The following LAMC1 variants were observed in gnomAD, a reference collection of about 807,000 sequenced individuals.
The protein encoded by LAMC1 is laminin subunit gamma 1, also known as laminin subunit gamma-1.
A neutral mutation model predicts 173.6 loss-of-function variants in LAMC1; 38 were observed. That is an observed-to-expected ratio of 0.22 (90% CI 0.17 to 0.29). The LOEUF is 0.29. Among genes scored for constraint, LAMC1 ranks in the 10% least tolerant of loss-of-function variants. The pLI, the probability that LAMC1 is intolerant of heterozygous loss-of-function variation, is 1.00. For synonymous variants in LAMC1, 746 were observed against 749.1 expected (o/e 1.00, Z 0.07); for missense variants, 1,824 against 2,051.8 (o/e 0.89, Z 2.14).
rs78852825 is a variant in LAMC1 at position 183,072,065 on chromosome 1, T to C, written c.419-31263T>C. Among the ~76,000 whole-genome samples the C allele has an allele frequency of 3.1e-3, 470 of 152,320 alleles. 3 individuals carry two copies. The highest frequency in any genetic ancestry group is 0.011 in the African/African-American group (449 of 41,570). ...ACATATCTGGGTGAACATGGGGAAT[T>C]TTTATGCCTTGTGAAACATATTTTA... On this transcript the variant is annotated intron_variant, in intron 1 of 27. Transcript: ENST00000258341.
chr1:183,059,229 G>A (rs143275878), intron 1 of LAMC1, among the ~76,000 whole-genome samples: 2 of 152,330 alleles, frequency 1.3e-5, no homozygotes, highest in African/African-American at 4.8e-5. Context: ...CTTCATTGTT[G>A]ATGCTGTTAT....
At position 183,023,999 on chromosome 1, in the gene LAMC1, G is replaced by C; in HGVS notation, c.283G>C (p.Gly95Arg). The C allele has an allele frequency of 6.2e-7, 1 of 1,613,072 alleles. No individual in the cohort carries two copies. The highest frequency in any genetic ancestry group is 8.5e-7 in the Non-Finnish European group (1 of 1,179,906). ...CAAGTCCTGTCACCTGTGCGACGCC[G>C]GGCAGCCCCACCTGCAGCACGGGGC... ...VTKSCHLCDA[G>R]QPHLQHGAAF... The change falls in exon 1 of 28, where the codon GGG (glycine) becomes CGG (arginine). Residue 95 changes from glycine to arginine, a missense_variant. Transcript: ENST00000258341.
intron 1 of LAMC1, among the ~76,000 whole-genome samples, 182 bp downstream of exon 1, chr1:183,024,316 C>T (rs1422758650): frequency 6.6e-6 from 1 of 152,062 alleles, no homozygotes; most frequent in Non-Finnish European, 1.5e-5. Flanking sequence ...TTTTAACATC[C>T]CGTGAGGGCC....
At chr1:183,097,617 C>G (rs1325036242) in intron 1 of LAMC1, among the ~76,000 whole-genome samples, 1 of 152,158 alleles carries the variant, frequency 6.6e-6, no homozygotes, top group Non-Finnish European at 1.5e-5. Flanking sequence ...AATTCTAAGA[C>G]AAGAAGAGTT....
chr1:183,117,890 G>T, intron 10 of LAMC1, 144 bp from the exon 11 acceptor site: 1 of 740,660 alleles, frequency 1.4e-6, no homozygotes, highest in South Asian at 1.9e-5. Context: ...TTTTCCAATT[G>T]TACTACCAAA....
chr1:183,046,880 G>A (rs909096955), intron 1 of LAMC1, among the ~76,000 whole-genome samples: 3 of 152,012 alleles, frequency 2.0e-5, no homozygotes, highest in African/African-American at 7.2e-5. Context: ...TAATTTGATA[G>A]GTGAGATATG....
chr1:183,090,559 G>A (rs542298367), intron 1 of LAMC1, among the ~76,000 whole-genome samples: 2 of 152,334 alleles, frequency 1.3e-5, no homozygotes, highest in African/African-American at 2.4e-5. Context: ...GGGTACTTGC[G>A]TGATGTAAAT....
chr1:183,136,519 G>T lies in LAMC1; in HGVS notation c.4248G>T (p.Ala1416=), dbSNP rs367935944. ...CCCAGCAGGCCCTGGGCAGTGCTGC[G>T]GCGGATGCCACAGAGGCCAAGAACA... The part of the protein sequence containing the change: ...REAQQALGSA[A]ADATEAKNKA... Residue 1416 remains alanine, a synonymous_variant, in exon 25 of 28, where the codon GCG becomes GCT. Transcript: ENST00000258341. 2.5e-6 allele frequency: 4 copies of T among 1,613,928 alleles called. No homozygotes were observed. Among genetic ancestry groups the T allele is most frequent in the Non-Finnish European group, 3.4e-6 (4 of 1,179,956 alleles).
intron 1 of LAMC1, among the ~76,000 whole-genome samples, chr1:183,067,139 A>T (rs10797830): frequency 0.5 from 76,258 of 151,916 alleles, 19,783 homozygotes; most frequent in South Asian, 0.64. Context: ...TTTGTTAAAA[A>T]GGAACAATAT....
intron 26 of LAMC1, chr1:183,138,266 A>G: frequency 1.2e-6 from 1 of 833,222 alleles, no homozygotes; most frequent in Non-Finnish European, 1.4e-6. Flanking sequence ...CCACCAAAAC[A>G]TATGAAACTT....
At chr1:183,097,198 G>C (rs1306078210) in intron 1 of LAMC1, among the ~76,000 whole-genome samples, 1 of 152,188 alleles carries the variant, frequency 6.6e-6, no homozygotes, top group East Asian at 1.9e-4. Context: ...TTTTCAAATA[G>C]TTGCTTTCTG....
intron 13 of LAMC1, among the ~76,000 whole-genome samples, chr1:183,122,762 T>C (rs1265797581): frequency 6.6e-6 from 1 of 151,968 alleles, no homozygotes; most frequent in Admixed American, 6.6e-5. Flanking sequence ...AGGAGGAGGG[T>C]GAGGACAGAG....
chr1:183,024,047 A>T lies in LAMC1; in HGVS notation c.331A>T (p.Asn111Tyr). Reference sequence around the variant, plus strand: ...GGCAGCCTTCCTGACCGACTACAACAACCAGGCCGACACCACCTGGTGGCA... The same window carrying T: ...GGCAGCCTTCCTGACCGACTACAACTACCAGGCCGACACCACCTGGTGGCA... ...HGAAFLTDYNNQADTTWWQSQ... is the reference protein window; with the variant it reads ...HGAAFLTDYNYQADTTWWQSQ... The change falls in exon 1 of 28, where the codon AAC (asparagine) becomes TAC (tyrosine). Residue 111 changes from asparagine (N) to tyrosine (Y), a missense_variant. By Grantham distance (143) the Asn-to-Tyr change is moderately radical. Coordinates refer to ENST00000258341, the MANE Select transcript of LAMC1 (RefSeq NM_002293.4). 6.2e-7 allele frequency: 1 copy of T among 1,612,592 alleles called. No homozygotes were observed. Among genetic ancestry groups the T allele is most frequent in the Non-Finnish European group, 8.5e-7 (1 of 1,179,634 alleles).
intron 1 of LAMC1, among the ~76,000 whole-genome samples, chr1:183,025,356 G>C (rs1475134079): frequency 6.6e-6 from 1 of 152,196 alleles, no homozygotes; most frequent in African/African-American, 2.4e-5. Context: ...TTTGAAAAGT[G>C]GGATTAAATT....
At chr1:183,119,138 C>G (rs1399809916) in intron 11 of LAMC1, among the ~76,000 whole-genome samples, 1 of 152,082 alleles carries the variant, frequency 6.6e-6, no homozygotes, top group East Asian at 1.9e-4. Flanking sequence ...CTCAGGTGAT[C>G]CCCCTGCCTC....
chr1:183,133,280 A>G (rs1656848332), intron 21 of LAMC1, 126 bp from the exon 22 acceptor site: 2 of 774,606 alleles, frequency 2.6e-6, no homozygotes, highest in East Asian at 5.2e-5. Flanking sequence ...TTAAAATGCA[A>G]GCATTTTAAT....
intron 4 of LAMC1, among the ~76,000 whole-genome samples, chr1:183,112,602 A>T (rs529386766): frequency 6.6e-6 from 1 of 152,274 alleles, no homozygotes; most frequent in African/African-American, 2.4e-5. Context: ...TCTCTCAAGG[A>T]GGGAGCCATG....
chr1:183,068,736 A>AT (rs1334377949), intron 1 of LAMC1, among the ~76,000 whole-genome samples: 1 of 151,996 alleles, frequency 6.6e-6, no homozygotes, highest in Non-Finnish European at 1.5e-5. Flanking sequence ...AGGTCAGGAG[A>AT]TTGAGACCAT....
intron 1 of LAMC1, among the ~76,000 whole-genome samples, chr1:183,082,270 C>T (rs1655297751): frequency 6.6e-6 from 1 of 152,162 alleles, no homozygotes. Context: ...GATTACCATA[C>T]ATTTATCATA....
Sources: allele counts gnomAD v4.1 joint callset (sites outside exome capture counted in the v4.1 genomes callset), GRCh38; gene constraint gnomAD v4.1.1; transcripts MANE v1.5; gene names NCBI Gene and HGNC (gene_info 2026-07-23, HGNC 2026-07-21).